The following RTN1 variants were observed in gnomAD, a reference collection of about 807,000 sequenced individuals.
RTN1 encodes reticulon-1.
In RTN1, 25 loss-of-function variants were observed where a neutral mutation model predicts 65.5. The ratio of observed to expected loss-of-function variants is 0.38; its 90% confidence interval spans 0.28 to 0.53. RTN1 has a LOEUF of 0.53. Among genes scored for constraint, RTN1 ranks in the 20% least tolerant of loss-of-function variants. The pLI, the probability that RTN1 is intolerant of heterozygous loss-of-function variation, is 0.79. For missense variants in RTN1, 983 were observed against 1,025.4 expected (o/e 0.96, Z 0.57); for synonymous variants, 471 against 447.6 (o/e 1.05, Z -0.66).
Position 59,816,750 on chromosome 14 carries a change from A to G in RTN1, c.241+53640T>C, listed in dbSNP as rs999287838. ...CGAGTTCAAGGTCAGCCTGGGCAAC[A>G]TGGCAAAATCCCACCTCTACAAAAA... is the stretch of plus-strand genomic sequence containing the variant. On this transcript the variant is annotated intron_variant, in intron 1 of 8. Coordinates refer to ENST00000267484, the MANE Select transcript of RTN1 (RefSeq NM_021136.3). This position sits in a 1 kb window ranked among gnomAD's most constrained non-coding sequence, Gnocchi z 4.3. Among the ~76,000 whole-genome samples the G allele has an allele frequency of 2.0e-5, 3 of 152,124 alleles. No homozygotes were observed. Among genetic ancestry groups the G allele is most frequent in the Non-Finnish European group, 2.9e-5 (2 of 68,018 alleles).
chr14:59,830,024 C>T (rs573683649), intron 1 of RTN1, among the ~76,000 whole-genome samples: 54 of 152,204 alleles, frequency 3.5e-4, no homozygotes, highest in Non-Finnish European at 6.8e-4. Context: ...TTTCTTGTAA[C>T]GACAAGGTAT....
intron 1 of RTN1, among the ~76,000 whole-genome samples, chr14:59,823,417 T>C (rs923079960): frequency 6.6e-6 from 1 of 152,040 alleles, no homozygotes; most frequent in Admixed American, 6.6e-5. Context: ...ACTGCATGTG[T>C]TTTTGTGGTG....
At chr14:59,609,494 G>T (rs372800594) in intron 3 of RTN1, among the ~76,000 whole-genome samples, 8 of 152,100 alleles carry the variant, frequency 5.3e-5, no homozygotes, top group Admixed American at 2.0e-4. Context: ...GGAGAAGAGG[G>T]ATCTTTTGGA....
chr14:59,695,121 G>A (rs185414485), intron 3 of RTN1, among the ~76,000 whole-genome samples: 32 of 152,280 alleles, frequency 2.1e-4, no homozygotes, highest in Middle Eastern at 3.4e-3. Flanking sequence ...AGAGGCAAGG[G>A]CACTTGGTGC....
rs1566737481 is a variant in RTN1 at position 59,819,414 on chromosome 14, ACCCCCCCCCCACCCC to A, written c.241+50961_241+50975del. On this transcript the variant is annotated intron_variant, in intron 1 of 8. Transcript: ENST00000267484. ...TGATTGGTGCATCCACACCACCACC[ACCCCCCCCCCACCCC>A]CCACCCCCCCCCCCCGGCCACAGCT... Among the ~76,000 whole-genome samples the A allele has an allele frequency of 6.3e-5, 2 of 31,862 alleles. 1 individual carries two copies. Among genetic ancestry groups the A allele is most frequent in the African/African-American group, 6.0e-4 (2 of 3,320 alleles). The allele number at this position is 31,862 out of a possible 152,430, so 20.9% of individuals were successfully genotyped here. A position where few individuals can be genotyped will look rare whatever the true frequency, so the allele number is the denominator to read the frequency against.
chr14:59,674,638 G>C (rs909994314), intron 3 of RTN1, among the ~76,000 whole-genome samples: 3 of 152,266 alleles, frequency 2.0e-5, no homozygotes, highest in African/African-American at 7.2e-5. Flanking sequence ...AAACATAAAG[G>C]CTGTACGTGT....
intron 3 of RTN1, among the ~76,000 whole-genome samples, chr14:59,684,440 T>C (rs534370727): frequency 1.3e-5 from 2 of 152,114 alleles, no homozygotes; most frequent in African/African-American, 2.4e-5. Flanking sequence ...AACAGAATTA[T>C]TGTATTATCA....
intron 1 of RTN1, among the ~76,000 whole-genome samples, chr14:59,781,447 A>G (rs1044902478): frequency 6.6e-6 from 1 of 152,066 alleles, no homozygotes; most frequent in African/African-American, 2.4e-5. Context: ...GGAACAGAAC[A>G]GTAAGTGGAA....
chr14:59,667,587 A>G lies in RTN1; in HGVS notation c.1765+59332T>C, dbSNP rs542378439. ...AGCTCTCTCACCACTCCTATTCAAC[A>G]TAGTGTTGGAAATTCTGGCCAGGGC... On this transcript the variant is annotated intron_variant, in intron 3 of 8. Coordinates refer to ENST00000267484, the MANE Select transcript of RTN1 (RefSeq NM_021136.3). Among the ~76,000 whole-genome samples the G allele has an allele frequency of 8.1e-4, 124 of 152,304 alleles. 6 individuals carry two copies. The highest frequency in any genetic ancestry group is 2.5e-4 in the Non-Finnish European group (17 of 68,016).
chr14:59,653,882 A>G (rs911449747), intron 3 of RTN1, among the ~76,000 whole-genome samples: 2 of 152,020 alleles, frequency 1.3e-5, no homozygotes, highest in African/African-American at 4.8e-5. Context: ...GGAAAGAGGA[A>G]TTGAACAACA....
intron 1 of RTN1, among the ~76,000 whole-genome samples, chr14:59,860,333 T>C (rs1887685977): frequency 6.6e-6 from 1 of 152,228 alleles, no homozygotes; most frequent in African/African-American, 2.4e-5. Context: ...CCACGTGGTA[T>C]TGAGCCTTCA....
rs1418538571 is a variant in RTN1, at chr14:59,836,286, G to T, written c.241+34104C>A. Among the ~76,000 whole-genome samples, 3 of 152,192 alleles carry T rather than the reference G, an allele frequency of 2.0e-5. No homozygotes were observed. Among genetic ancestry groups the T allele is most frequent in the Non-Finnish European group, 2.9e-5 (2 of 68,036 alleles). On this transcript the variant is annotated intron_variant, in intron 1 of 8. Transcript: ENST00000267484. This position sits in a 1 kb window ranked among gnomAD's most constrained non-coding sequence, Gnocchi z 4.9. The stretch of plus-strand genomic sequence containing the variant: ...CCTACCACTGCAGTTAGCATTTTTG[G>T]ATTCACATGTGCCAGGCATGCTGCC...
intron 3 of RTN1, among the ~76,000 whole-genome samples, chr14:59,716,900 G>A (rs920503237): frequency 2.2e-4 from 33 of 151,568 alleles, no homozygotes; most frequent in African/African-American, 7.8e-4. Flanking sequence ...CCCAGGAGGC[G>A]GAGCTTGAAG....
At chr14:59,759,708 T>TA (rs967470834) in intron 1 of RTN1, among the ~76,000 whole-genome samples, 256 of 143,420 alleles carry the variant, frequency 1.8e-3, no homozygotes, top group South Asian at 3.1e-3. Flanking sequence ...ATTGCTTCAT[T>TA]AAAAAAAAAA....
At chr14:59,755,387 C>T (rs1336265177) in intron 1 of RTN1, among the ~76,000 whole-genome samples, 2 of 152,034 alleles carry the variant, frequency 1.3e-5, no homozygotes, top group Admixed American at 6.5e-5. Context: ...TAATAAAAAA[C>T]TGTAATGACA....
rs1384465081 is a variant in RTN1 at position 59,829,308 on chromosome 14, G to A, written c.241+41082C>T. Among the ~76,000 whole-genome samples, 2 of 152,146 alleles carry A rather than the reference G, an allele frequency of 1.3e-5. No homozygotes were observed. ...GGGAAAAACATGCTGTTGCACAAAA[G>A]TGGGGGGAATCAAAATGTGATGGGT... On this transcript the variant is annotated intron_variant, in intron 1 of 8. Coordinates refer to ENST00000267484, the MANE Select transcript of RTN1 (RefSeq NM_021136.3). The surrounding 1 kb of genome is among the most constrained non-coding windows in gnomAD (Gnocchi z 4.3).
At chr14:59,597,867 C>T (rs1283926132) in intron 8 of RTN1, among the ~76,000 whole-genome samples, 2 of 151,990 alleles carry the variant, frequency 1.3e-5, no homozygotes, top group Non-Finnish European at 1.5e-5. Context: ...GACAAGCTGG[C>T]GGCAAGGAGA....
chr14:59,818,132 GCTTT>G (rs1388924031), intron 1 of RTN1, among the ~76,000 whole-genome samples: 2 of 152,174 alleles, frequency 1.3e-5, no homozygotes, highest in Non-Finnish European at 2.9e-5. Flanking sequence ...GCAGTATTTG[GCTTT>G]CTGTGTTAAT....
chr14:59,691,898 A>C (rs1328464945), intron 3 of RTN1, among the ~76,000 whole-genome samples: 1 of 152,188 alleles, frequency 6.6e-6, no homozygotes, highest in African/African-American at 2.4e-5. Flanking sequence ...TTTATGATAA[A>C]AACTCTCAAA....
Sources: gnomAD v4.1 joint callset for allele counts (sites outside exome capture counted in the v4.1 genomes callset) on GRCh38, gnomAD v4.1.1 for gene constraint, Gnocchi (gnomAD v3.1) non-coding constraint, MANE v1.5 for transcripts, NCBI Gene and HGNC (gene_info 2026-07-23, HGNC 2026-07-21) for gene names.